NRG1: variants seen among roughly 807,000 people sequenced by gnomAD.
NRG1 encodes pro-neuregulin-1, membrane-bound isoform.
NRG1 carries 18 observed loss-of-function variants against 63.8 expected under a neutral mutation model. That is an observed-to-expected ratio of 0.28 (90% CI 0.19 to 0.42). The LOEUF (loss-of-function observed/expected upper bound fraction) is 0.42, where lower values mean the gene tolerates loss of function less well. Among genes scored for constraint, NRG1 ranks in the 10% least tolerant of loss-of-function variants. The pLI is 1.00. For missense variants in NRG1, 762 were observed against 814.7 expected (o/e 0.94, Z 0.79); for synonymous variants, 302 against 301.3 (o/e 1.00, Z -0.02).
intron 1 of NRG1, among the ~76,000 whole-genome samples, chr8:31,883,289 G>A (rs1020686613): frequency 1.3e-5 from 2 of 152,032 alleles, no homozygotes; most frequent in African/African-American, 4.8e-5. Context: ...ACAAATTAAG[G>A]TATGTACATT....
At chr8:31,853,669 A>G (rs2129609421) in intron 1 of NRG1, among the ~76,000 whole-genome samples, 1 of 151,568 alleles carries the variant, frequency 6.6e-6, no homozygotes, top group South Asian at 2.1e-4. Context: ...GTGGTGAGAG[A>G]GGGCATCCCT....
chr8:32,090,723 A>G (rs1329631336), intron 1 of NRG1, among the ~76,000 whole-genome samples: 3 of 152,190 alleles, frequency 2.0e-5, no homozygotes. Flanking sequence ...CCTTCCTTTT[A>G]TCACTACCAA....
downstream of NRG1, among the ~76,000 whole-genome samples, chr8:32,771,514 A>C (rs977854733): frequency 6.6e-6 from 1 of 150,680 alleles, no homozygotes; most frequent in Non-Finnish European, 1.5e-5. Context: ...TTAGCAGCTT[A>C]TTACATTAGT....
intron 1 of NRG1, among the ~76,000 whole-genome samples, chr8:32,219,367 A>C (rs1222372516): frequency 3.9e-5 from 6 of 152,252 alleles, no homozygotes; most frequent in Non-Finnish European, 8.8e-5. Flanking sequence ...TTCAGGTTTC[A>C]GGAGTAAAGA....
At chr8:32,717,547 T>G (rs1375210996) in intron 5 of NRG1, among the ~76,000 whole-genome samples, 2 of 152,188 alleles carry the variant, frequency 1.3e-5, no homozygotes, top group South Asian at 4.1e-4. Context: ...CCAAGTGTTA[T>G]GGAGCAAGAT....
At chr8:32,473,617 A>AT (rs1283887819) in intron 1 of NRG1, among the ~76,000 whole-genome samples, 1 of 152,152 alleles carries the variant, frequency 6.6e-6, no homozygotes, top group Non-Finnish European at 1.5e-5. Context: ...AGTCTGACCT[A>AT]TGGTTTATGA....
chr8:31,842,163 G>C (rs1286995033), intron 1 of NRG1, among the ~76,000 whole-genome samples: 1 of 152,172 alleles, frequency 6.6e-6, no homozygotes, highest in Non-Finnish European at 1.5e-5. Flanking sequence ...AGGATCCCTA[G>C]GTTCCCTAAT....
chr8:32,541,297 A>G (rs1832549707), intron 1 of NRG1, among the ~76,000 whole-genome samples: 1 of 152,134 alleles, frequency 6.6e-6, no homozygotes, highest in Admixed American at 6.6e-5. Context: ...AGATTTAGTG[A>G]GGAAGTTAGA....
intron 6 of NRG1, among the ~76,000 whole-genome samples, chr8:32,738,455 T>C (rs551989183): frequency 6.6e-6 from 1 of 152,014 alleles, no homozygotes; most frequent in South Asian, 2.1e-4. Flanking sequence ...CATATGTATA[T>C]ATATTTAAAG....
intron 1 of NRG1, among the ~76,000 whole-genome samples, chr8:32,192,641 G>A (rs1842603396): frequency 6.6e-6 from 1 of 152,130 alleles, no homozygotes; most frequent in Non-Finnish European, 1.5e-5. Context: ...ACCATGCTCG[G>A]TAGTTGGGTA....
chr8:31,810,791 A>G (rs1291522639), intron 1 of NRG1, among the ~76,000 whole-genome samples: 2 of 152,172 alleles, frequency 1.3e-5, no homozygotes, highest in African/African-American at 4.8e-5. Context: ...TGACCAGGGT[A>G]TGGGACTGAT....
chr8:32,335,331 A>T (rs1803135063), intron 1 of NRG1, among the ~76,000 whole-genome samples: 1 of 152,214 alleles, frequency 6.6e-6, no homozygotes, highest in African/African-American at 2.4e-5. Context: ...TGAGCTTACC[A>T]GTTCCTTTCC....
At chr8:31,896,649 C>T (rs928555964) in intron 1 of NRG1, among the ~76,000 whole-genome samples, 3 of 152,198 alleles carry the variant, frequency 2.0e-5, no homozygotes, top group African/African-American at 7.2e-5. Flanking sequence ...TTCAGTTGAT[C>T]TGGGCCCTGA....
chr8:32,528,080 T>C (rs1015371580), intron 1 of NRG1, among the ~76,000 whole-genome samples: 1 of 152,222 alleles, frequency 6.6e-6, no homozygotes, highest in Non-Finnish European at 1.5e-5. Flanking sequence ...ATCCTTCTGA[T>C]TTGCATGTAA....
intron 1 of NRG1, among the ~76,000 whole-genome samples, chr8:31,858,997 T>C (rs1828217173): frequency 1.3e-5 from 2 of 152,116 alleles, no homozygotes; most frequent in Non-Finnish European, 2.9e-5. Flanking sequence ...AATCCTGAAG[T>C]ATAGATTTTT....
intron 1 of NRG1, among the ~76,000 whole-genome samples, chr8:32,070,270 C>G (rs952640001): frequency 1.6e-4 from 25 of 152,160 alleles, no homozygotes; most frequent in African/African-American, 5.8e-4. Context: ...CTGGATTCTA[C>G]TAATTTCCAG....
intron 1 of NRG1, among the ~76,000 whole-genome samples, chr8:31,720,247 G>A (rs1030634162): frequency 6.6e-6 from 1 of 152,066 alleles, no homozygotes; most frequent in Non-Finnish European, 1.5e-5. Flanking sequence ...TAGGTGGAGT[G>A]ACTGATACAT....
intron 1 of NRG1, among the ~76,000 whole-genome samples, chr8:32,280,434 G>A (rs7812605): frequency 0.024 from 3,709 of 152,240 alleles, 146 homozygotes; most frequent in African/African-American, 0.083. Context: ...AATTTGGTTC[G>A]ATTTGAAAAC....
chr8:32,228,129 T>C (rs1479342152), intron 1 of NRG1, among the ~76,000 whole-genome samples: 1 of 152,210 alleles, frequency 6.6e-6, no homozygotes, highest in Non-Finnish European at 1.5e-5. Context: ...CCATTATGAT[T>C]GGCAGTATTT....
Sources: allele counts gnomAD v4.1 joint callset (sites outside exome capture counted in the v4.1 genomes callset), GRCh38; gene constraint gnomAD v4.1.1; transcripts MANE v1.5; gene names NCBI Gene and HGNC (gene_info 2026-07-23, HGNC 2026-07-21).